Variants in LYPLAL1 observed in about 807,000 individuals in gnomAD.
LYPLAL1 encodes lysophospholipase like 1.
LYPLAL1 carries 23 observed loss-of-function variants against 19.7 expected under a neutral mutation model. The observed-to-expected ratio is 1.17, with a 90% confidence interval of 0.84 to 1.65. The LOEUF (loss-of-function observed/expected upper bound fraction) is 1.65. Ranked by LOEUF, LYPLAL1 falls within the 40% of genes most tolerant of loss-of-function variation. The pLI, the probability that LYPLAL1 is intolerant of heterozygous loss-of-function variation, is 0.00. For synonymous variants in LYPLAL1, 119 were observed against 96.3 expected, an observed-to-expected ratio of 1.24 and a Z score of -1.38; for missense variants, 355 against 279.4, an observed-to-expected ratio of 1.27 and a Z score of -1.93.
At chr1:219,229,158 G>A in the LYPLAL1 span, among the ~76,000 whole-genome samples, 8 of 152,034 alleles carry the variant, frequency 5.3e-5, no homozygotes, top group East Asian at 5.8e-4. Flanking sequence ...AAAAGGAGAG[G>A]TATGTAAATA....
the LYPLAL1 span, among the ~76,000 whole-genome samples, chr1:219,292,091 C>T: frequency 1.4e-4 from 21 of 152,210 alleles, no homozygotes; most frequent in East Asian, 9.7e-4. Flanking sequence ...GCTCCTCACC[C>T]GTCTTTTGCT....
the LYPLAL1 span, among the ~76,000 whole-genome samples, chr1:219,218,890 G>A: frequency 6.6e-6 from 1 of 152,100 alleles, no homozygotes; most frequent in Non-Finnish European, 1.5e-5. Flanking sequence ...GTGCCTCCCG[G>A]GGTCCTGGCC....
chr1:219,332,465 A>C, the LYPLAL1 span, among the ~76,000 whole-genome samples: 1 of 152,160 alleles, frequency 6.6e-6, no homozygotes, highest in East Asian at 1.9e-4. Context: ...CCTGATCTAC[A>C]GAATTCTGAA....
At chr1:219,259,976 T>C in the LYPLAL1 span, among the ~76,000 whole-genome samples, 4 of 151,962 alleles carry the variant, frequency 2.6e-5, no homozygotes, top group African/African-American at 7.2e-5. Flanking sequence ...AATTTGAAGT[T>C]TATTCTCATT....
At chr1:219,315,189 T>A in the LYPLAL1 span, among the ~76,000 whole-genome samples, 1 of 152,218 alleles carries the variant, frequency 6.6e-6, no homozygotes, top group Admixed American at 6.5e-5. Flanking sequence ...CGTGATATGT[T>A]ATTATAGAAA....
chr1:219,345,902 C>T, the LYPLAL1 span, among the ~76,000 whole-genome samples: 166 of 152,300 alleles, frequency 1.1e-3, no homozygotes, highest in African/African-American at 3.7e-3. Context: ...ACACACTCAA[C>T]GAGTGGTTCT....
the LYPLAL1 span, among the ~76,000 whole-genome samples, chr1:219,298,031 C>T: frequency 1.3e-5 from 2 of 152,216 alleles, no homozygotes; most frequent in Admixed American, 1.3e-4. Flanking sequence ...ATCTACTGGC[C>T]TGAATGGGTG....
At chr1:219,389,946 A>G in the LYPLAL1 span, among the ~76,000 whole-genome samples, 1 of 152,158 alleles carries the variant, frequency 6.6e-6, no homozygotes, top group African/African-American at 2.4e-5. Context: ...GAAGACCTCA[A>G]TATCTGTATA....
At chr1:219,376,578 C>A in the LYPLAL1 span, among the ~76,000 whole-genome samples, 2 of 152,276 alleles carry the variant, frequency 1.3e-5, no homozygotes, top group Non-Finnish European at 2.9e-5. Context: ...TAGAGGTTGG[C>A]ATCCATAATA....
chr1:219,277,783 G>T, the LYPLAL1 span, among the ~76,000 whole-genome samples: 1 of 152,010 alleles, frequency 6.6e-6, no homozygotes, highest in African/African-American at 2.4e-5. Context: ...CCAGGAAATT[G>T]TCATTGTGAT....
the LYPLAL1 span, among the ~76,000 whole-genome samples, chr1:219,419,181 T>A: frequency 1.8e-4 from 28 of 152,322 alleles, no homozygotes; most frequent in African/African-American, 6.3e-4. Flanking sequence ...GAAGAGTGAT[T>A]GTGATTGCTG....
chr1:219,440,425 G>A, the LYPLAL1 span, among the ~76,000 whole-genome samples: 9 of 152,064 alleles, frequency 5.9e-5, no homozygotes, highest in African/African-American at 2.2e-4. Flanking sequence ...TGTACAAAAT[G>A]AGCCTGGATC....
chr1:219,291,222 CGT>C, the LYPLAL1 span, among the ~76,000 whole-genome samples: 2 of 152,020 alleles, frequency 1.3e-5, no homozygotes, highest in African/African-American at 4.8e-5. Context: ...ATAATATTTG[CGT>C]ATTTATAAAT....
intron 1 of LYPLAL1, among the ~76,000 whole-genome samples, chr1:219,177,278 A>G (rs1201698926): frequency 1.3e-5 from 2 of 152,106 alleles, no homozygotes; most frequent in East Asian, 3.8e-4. Flanking sequence ...GGGTTGGCAA[A>G]CTTTCTGCAA....
At chr1:219,436,520 C>T in the LYPLAL1 span, among the ~76,000 whole-genome samples, 8 of 151,944 alleles carry the variant, frequency 5.3e-5, no homozygotes, top group Non-Finnish European at 8.8e-5. Context: ...AATCTGCCTG[C>T]CCGGAGCTTA....
chr1:219,217,908 T>G, the LYPLAL1 span, among the ~76,000 whole-genome samples: 1 of 152,014 alleles, frequency 6.6e-6, no homozygotes, highest in Non-Finnish European at 1.5e-5. Context: ...TAAATTACAT[T>G]TATGTGTTGG....
chr1:219,285,749 A>T, the LYPLAL1 span, among the ~76,000 whole-genome samples: 9 of 152,338 alleles, frequency 5.9e-5, no homozygotes, highest in African/African-American at 2.2e-4. Flanking sequence ...GCTAATTGGC[A>T]TAAGGTTTTC....
the LYPLAL1 span, among the ~76,000 whole-genome samples, chr1:219,254,333 G>T: frequency 0.014 from 2,204 of 152,048 alleles, 53 homozygotes; most frequent in African/African-American, 0.049. Context: ...GCTGTTAGCT[G>T]GTTATTATGT....
At chr1:219,399,067 GC>G in the LYPLAL1 span, among the ~76,000 whole-genome samples, 2 of 152,194 alleles carry the variant, frequency 1.3e-5, no homozygotes, top group Admixed American at 1.3e-4. Context: ...GCAGGGAGGG[GC>G]ACCCTTGTTG....
Sources: gnomAD v4.1 joint callset for allele counts (sites outside exome capture counted in the v4.1 genomes callset) on GRCh38, gnomAD v4.1.1 for gene constraint, MANE v1.5 for transcripts, NCBI Gene and HGNC (gene_info 2026-07-23, HGNC 2026-07-21) for gene names.